FAM168A: variants seen among roughly 807,000 people sequenced by gnomAD.
The protein encoded by FAM168A is protein FAM168A.
Under a neutral mutation model 28.5 loss-of-function variants are expected in FAM168A, and 3 were observed. That is an observed-to-expected ratio of 0.11 (90% CI 0.05 to 0.27). The LOEUF is 0.27. Among genes scored for constraint, FAM168A ranks in the 10% least tolerant of loss-of-function variants. FAM168A has a pLI of 1.00. For missense variants in FAM168A, 222 were observed against 311.5 expected (o/e 0.71, Z 2.16); for synonymous variants, 122 against 124.2 (o/e 0.98, Z 0.12).
chr11:73,443,932 A>C lies in FAM168A; in HGVS notation c.71-13162T>G, dbSNP rs531305957. ...GCCAGGCCAGAGTAAGTTCAGAGCA[A>C]GCCCTAAACTTACTTCGTAGAGACC... On this transcript the variant is annotated intron_variant, in intron 2 of 7. Coordinates refer to ENST00000356467, the MANE Select transcript of FAM168A (RefSeq NM_015159.3). 5.3e-5 allele frequency among the ~76,000 whole-genome samples: 8 copies of C among 152,290 alleles called. No homozygotes were observed. The East Asian group carries it at 9.6e-4, about 18-fold the overall frequency.
chr11:73,496,717 T>C (rs990505496), intron 1 of FAM168A, among the ~76,000 whole-genome samples: 1 of 152,072 alleles, frequency 6.6e-6, no homozygotes, highest in Non-Finnish European at 1.5e-5. Context: ...CCCACCACCA[T>C]GCCCGGCTAA....
At chr11:73,497,672 C>T (rs185317498) in intron 1 of FAM168A, among the ~76,000 whole-genome samples, 350 of 152,128 alleles carry the variant, frequency 2.3e-3, no homozygotes, top group African/African-American at 8.1e-3. Context: ...AAACACCACA[C>T]GTTCTCACTC....
At chr11:73,572,719 C>G (rs1446058474) in intron 1 of FAM168A, among the ~76,000 whole-genome samples, 2 of 150,386 alleles carry the variant, frequency 1.3e-5, no homozygotes, top group African/African-American at 4.9e-5. Flanking sequence ...ATCTCAAGTA[C>G]CCAGGGACAC....
At chr11:73,442,000 CCATTTTATTT>C (rs1394967364) in intron 2 of FAM168A, among the ~76,000 whole-genome samples, 1 of 152,038 alleles carries the variant, frequency 6.6e-6, no homozygotes, top group African/African-American at 2.4e-5. Flanking sequence ...CTGTTTTTCT[CCATTTTATTT>C]CACTGATTTC....
chr11:73,542,004 T>C (rs187685813), intron 1 of FAM168A, among the ~76,000 whole-genome samples: 1 of 152,270 alleles, frequency 6.6e-6, no homozygotes, highest in African/African-American at 2.4e-5. Flanking sequence ...GATTACCTGA[T>C]CTCTGGTACT....
rs2134465533 is a variant in FAM168A at position 73,401,044 on chromosome 11, C to CT, written c.*5718dup. 1 of 151,392 alleles carries CT rather than the reference C, an allele frequency of 6.6e-6. No individual in the cohort carries two copies. Among genetic ancestry groups the CT allele is most frequent in the African/African-American group, 2.4e-5 (1 of 41,342 alleles). The allele number at this position is 151,392 out of a possible 1,614,324, so 9.4% of individuals were successfully genotyped here. Reference sequence around the variant, plus strand: ...TGTGTTTTGAAAACACCTATAAATTCTTTGATCAAACTACTTGGAAGACAC... The same window carrying CT: ...TGTGTTTTGAAAACACCTATAAATTCTTTTGATCAAACTACTTGGAAGACAC... On this transcript the variant is annotated 3_prime_UTR_variant, in exon 8 of 8. Coordinates refer to ENST00000356467, the MANE Select transcript of FAM168A (RefSeq NM_015159.3).
chr11:73,457,214 C>A (rs1319392940), intron 2 of FAM168A, among the ~76,000 whole-genome samples: 1 of 145,232 alleles, frequency 6.9e-6, no homozygotes, highest in African/African-American at 2.8e-5. Context: ...AGAGAGAGAT[C>A]CCTTCTTTAA....
At chr11:73,424,970 A>T in intron 3 of FAM168A, 1 of 1,428,392 alleles carries the variant, frequency 7.0e-7, no homozygotes, top group Non-Finnish European at 9.4e-7. Context: ...CATTGTTACG[A>T]GAGAACACAT....
intron 3 of FAM168A, among the ~76,000 whole-genome samples, chr11:73,427,455 T>C (rs1424575530): frequency 6.6e-6 from 1 of 152,306 alleles, no homozygotes; most frequent in Non-Finnish European, 1.5e-5. Context: ...CTGCACTCCT[T>C]TCCCTCTTTA....
At chr11:73,549,602 T>C (rs1943802171) in intron 1 of FAM168A, among the ~76,000 whole-genome samples, 1 of 152,184 alleles carries the variant, frequency 6.6e-6, no homozygotes, top group Admixed American at 6.5e-5. Flanking sequence ...GCAGGAGCTA[T>C]GCCTAACTCA....
Position 73,595,665 on chromosome 11 carries a change from C to T in FAM168A, c.-19+2258G>A, listed in dbSNP as rs551874582. Among the ~76,000 whole-genome samples, 32 of 152,296 alleles carry T rather than the reference C, an allele frequency of 2.1e-4. No homozygotes were observed. The South Asian group carries it at 5.2e-3, about 25-fold the overall frequency. On this transcript the variant is annotated intron_variant, in intron 1 of 7. Coordinates refer to ENST00000356467, the MANE Select transcript of FAM168A (RefSeq NM_015159.3). Reference sequence around the variant, plus strand: ...ATCATCGTTCTGCCCTAAGAATGAGCATATCGCTAAGGTTTAAATCGAATT... The same window carrying T: ...ATCATCGTTCTGCCCTAAGAATGAGTATATCGCTAAGGTTTAAATCGAATT...
chr11:73,408,091 G>C (rs1207868264), intron 6 of FAM168A, among the ~76,000 whole-genome samples: 1 of 152,062 alleles, frequency 6.6e-6, no homozygotes, highest in Admixed American at 6.5e-5. Flanking sequence ...GGCTGGTCTC[G>C]AACTCCTGAC....
intron 2 of FAM168A, among the ~76,000 whole-genome samples, chr11:73,457,470 G>A (rs1867555183): frequency 6.6e-6 from 1 of 151,582 alleles, no homozygotes. Flanking sequence ...TAAAAGAAGA[G>A]TTATTGTTTA....
At chr11:73,412,156 C>T (rs1312105470) in intron 4 of FAM168A, 1 of 153,760 alleles carries the variant, frequency 6.5e-6, no homozygotes, top group Admixed American at 6.4e-5. Context: ...AAACACCATT[C>T]GGAGACCCTC....
At chr11:73,445,317 T>C (rs1165827128) in intron 2 of FAM168A, among the ~76,000 whole-genome samples, 1 of 151,790 alleles carries the variant, frequency 6.6e-6, no homozygotes, top group Admixed American at 6.6e-5. Context: ...AATTAATCTC[T>C]TATTGTTAGA....
intron 5 of FAM168A, 148 bp downstream of exon 5, chr11:73,411,246 G>A (rs1275506178): frequency 5.6e-5 from 47 of 832,944 alleles, no homozygotes; most frequent in Non-Finnish European, 8.7e-5. Flanking sequence ...AGACTGCAGG[G>A]ATATTGCTTC....
chr11:73,411,362 C>A (rs1372777220), intron 5 of FAM168A, 32 bp downstream of exon 5: 1 of 1,556,568 alleles, frequency 6.4e-7, no homozygotes, highest in Non-Finnish European at 8.7e-7. Context: ...GCTCCTCTAC[C>A]TGCAGAAGAG....
intron 1 of FAM168A, among the ~76,000 whole-genome samples, chr11:73,572,124 G>C (rs560811766): frequency 6.6e-6 from 1 of 150,842 alleles, no homozygotes; most frequent in African/African-American, 2.4e-5. Flanking sequence ...AGTGAGGAGC[G>C]TTTCCGCCCG....
intron 2 of FAM168A, among the ~76,000 whole-genome samples, chr11:73,447,557 C>CA (rs1183575850): frequency 0.044 from 3,944 of 89,330 alleles, 81 homozygotes; most frequent in South Asian, 0.071. Flanking sequence ...GACCCTGTCT[C>CA]AAAAAAAAAA....
Sources: gnomAD v4.1 joint callset for allele counts (sites outside exome capture counted in the v4.1 genomes callset) on GRCh38, gnomAD v4.1.1 for gene constraint, MANE v1.5 for transcripts, NCBI Gene and HGNC (gene_info 2026-07-23, HGNC 2026-07-21) for gene names.